Variants in RBM20 observed in about 807,000 individuals in gnomAD.
RBM20 encodes the protein RNA binding motif protein 20.
A neutral mutation model predicts 110.1 loss-of-function variants in RBM20; 51 were observed. The ratio of observed to expected loss-of-function variants is 0.46; its 90% confidence interval spans 0.37 to 0.59. The LOEUF (loss-of-function observed/expected upper bound fraction) is 0.59. RBM20 is among the 20% of genes least tolerant of loss of function. The probability of loss-of-function intolerance (pLI) is 0.00; values close to 1 mark genes in which losing one functional copy is unlikely to be tolerated. For missense variants in RBM20, 1,512 were observed against 1,574.9 expected (o/e 0.96, Z 0.68); for synonymous variants, 589 against 618.2 (o/e 0.95, Z 0.70).
intron 1 of RBM20, among the ~76,000 whole-genome samples, chr10:110,752,945 A>ATATATATTTT (rs1433992064): frequency 8.3e-5 from 9 of 108,992 alleles, no homozygotes; most frequent in African/African-American, 3.4e-4. Context: ...ATATATATAT[A>ATATATATTTT]TTTTTTTTTT....
chr10:110,669,114 G>GT (rs1344664055), intron 1 of RBM20, among the ~76,000 whole-genome samples: 8 of 152,180 alleles, frequency 5.3e-5, no homozygotes, highest in African/African-American at 1.2e-4. Flanking sequence ...ATCTTCCTTC[G>GT]TTTTTTCTGG....
chr10:110,674,964 GCAAA>G (rs772150152), intron 1 of RBM20, among the ~76,000 whole-genome samples: 54 of 152,182 alleles, frequency 3.5e-4, no homozygotes, highest in Non-Finnish European at 6.2e-4. Context: ...TGGGGATAAG[GCAAA>G]CAAAGTCAAA....
intron 9 of RBM20, among the ~76,000 whole-genome samples, chr10:110,816,200 C>T (rs1844835599): frequency 6.6e-6 from 1 of 152,126 alleles, no homozygotes; most frequent in African/African-American, 2.4e-5. Flanking sequence ...CGTCTTTACT[C>T]ATGGCCACAT....
At chr10:110,827,108 G>A (rs566498586) in intron 12 of RBM20, among the ~76,000 whole-genome samples, 1 of 152,296 alleles carries the variant, frequency 6.6e-6, no homozygotes, top group South Asian at 2.1e-4. Context: ...TTTGACAGGT[G>A]AGGAAACTGA....
At chr10:110,662,018 A>C (rs1482169504) in intron 1 of RBM20, among the ~76,000 whole-genome samples, 1 of 151,842 alleles carries the variant, frequency 6.6e-6, no homozygotes, top group Non-Finnish European at 1.5e-5. Context: ...TCAGGAAAAA[A>C]AAAAAAGATA....
chr10:110,654,534 A>C (rs1861994175), intron 1 of RBM20, among the ~76,000 whole-genome samples: 1 of 152,142 alleles, frequency 6.6e-6, no homozygotes, highest in Non-Finnish European at 1.5e-5. Flanking sequence ...GAAGCCTTTT[A>C]ACTCTGTTTT....
At chr10:110,703,729 C>T (rs753888992) in intron 1 of RBM20, among the ~76,000 whole-genome samples, 12 of 152,198 alleles carry the variant, frequency 7.9e-5, no homozygotes, top group Non-Finnish European at 1.3e-4. Flanking sequence ...CTTTTACAAC[C>T]ACATCCACCT....
intron 2 of RBM20, 137 bp from the exon 3 acceptor site, chr10:110,783,229 T>C: frequency 1.6e-6 from 1 of 639,352 alleles, no homozygotes; most frequent in South Asian, 1.6e-5. Context: ...AGAGGAAGGG[T>C]GGAGGGATGT....
At chr10:110,668,941 T>C (rs1166559581) in intron 1 of RBM20, among the ~76,000 whole-genome samples, 2 of 152,214 alleles carry the variant, frequency 1.3e-5, no homozygotes, top group East Asian at 3.8e-4. Flanking sequence ...GGCCCTTGCT[T>C]TGTTTTGTTT....
intron 1 of RBM20, among the ~76,000 whole-genome samples, chr10:110,723,059 C>G (rs1392146074): frequency 2.6e-5 from 4 of 151,336 alleles, no homozygotes; most frequent in African/African-American, 9.7e-5. Flanking sequence ...TTGCAGTGAG[C>G]CGAGATCACC....
At position 110,821,670 on chromosome 10, in the gene RBM20, C is replaced by T; in HGVS notation, c.3051C>T (p.Leu1017=). ...ERKPAESETG[L]SLEDSDCYEK... ...AGCCAGCTGAAAGTGAGACAGGCCT[C>T]TCCCTGGAGGATTCAGATTGCTACG... Residue 1017 remains leucine (L), a synonymous_variant, in exon 11 of 14, where the codon CTC becomes CTT. Transcript: ENST00000369519. 6.4e-7 allele frequency: 1 copy of T among 1,551,776 alleles called. No homozygotes were observed. The highest frequency in any genetic ancestry group is 8.7e-7 in the Non-Finnish European group (1 of 1,146,978).
At position 110,839,132 on chromosome 10, in the gene RBM20, C is replaced by G. The variant is rs578113054; in HGVS notation, c.*3154C>G. On this transcript the variant is annotated 3_prime_UTR_variant, in exon 14 of 14. Coordinates refer to ENST00000369519, the MANE Select transcript of RBM20 (RefSeq NM_001134363.3). ...TATAATTGTCTTTTCATTGTTAACA[C>G]CCAAAATAGCATCTATCTAGACAGT... 30 of 152,284 alleles carry G rather than the reference C, an allele frequency of 2.0e-4. No individual in the cohort carries two copies. Among genetic ancestry groups the G allele is most frequent in the African/African-American group, 6.5e-4 (27 of 41,558 alleles). 9.4% of individuals were successfully genotyped at this position (152,284 alleles called of 1,614,324 possible).
chr10:110,812,822 C>G lies in RBM20; in HGVS notation c.2425C>G (p.Pro809Ala). ...CTCAGGCAAGGAAGATGGGCTGGGG[C>G]CAAAGGTCACTAGGGCCCCTGAGGG... ...DDSGKEDGLG[P>A]KVTRAPEGAK... Residue 809 changes from proline (P) to alanine (A), a missense_variant, in exon 9 of 14, where the codon CCA (proline) becomes GCA (alanine). By Grantham distance (27) the Pro-to-Ala change is conservative. Transcript: ENST00000369519. 3.9e-6 allele frequency: 6 copies of G among 1,546,750 alleles called. No homozygotes were observed. The highest frequency in any genetic ancestry group is 3.5e-6 in the Non-Finnish European group (4 of 1,144,068).
intron 12 of RBM20, among the ~76,000 whole-genome samples, chr10:110,828,334 G>T (rs113148440): frequency 2.0e-4 from 30 of 152,190 alleles, no homozygotes; most frequent in Non-Finnish European, 3.8e-4. Flanking sequence ...CATGGGATAT[G>T]TGGTGTCTGC....
upstream of RBM20, chr10:110,644,266 C>T (rs377331212): frequency 4.7e-6 from 2 of 428,898 alleles, no homozygotes; most frequent in South Asian, 1.4e-4. The surrounding 1 kb of genome is among the most constrained non-coding windows in gnomAD (Gnocchi z 4.3). Flanking sequence ...CCGGCCGGGA[C>T]GAGCTGGAGC....
intron 1 of RBM20, among the ~76,000 whole-genome samples, chr10:110,670,198 T>C (rs1862238078): frequency 6.6e-6 from 1 of 152,236 alleles, no homozygotes; most frequent in Non-Finnish European, 1.5e-5. Context: ...CAATGCATGT[T>C]GTCTTGAGTT....
At chr10:110,694,034 C>T (rs138485188) in intron 1 of RBM20, among the ~76,000 whole-genome samples, 2 of 152,336 alleles carry the variant, frequency 1.3e-5, no homozygotes, top group African/African-American at 2.4e-5. Context: ...AGAGAAGCAA[C>T]CAGCATCAGT....
At chr10:110,712,980 A>G (rs530001909) in intron 1 of RBM20, among the ~76,000 whole-genome samples, 4 of 152,184 alleles carry the variant, frequency 2.6e-5, no homozygotes, top group Non-Finnish European at 5.9e-5. Context: ...TGGCGTCCAT[A>G]TTTGTAAAGT....
At chr10:110,826,152 G>T (rs1036536187) in intron 12 of RBM20, among the ~76,000 whole-genome samples, 1 of 152,184 alleles carries the variant, frequency 6.6e-6, no homozygotes, top group African/African-American at 2.4e-5. Flanking sequence ...TTGAGTGAGA[G>T]TTCCCAATAT....
Sources: gnomAD v4.1 joint callset for allele counts (sites outside exome capture counted in the v4.1 genomes callset) on GRCh38, gnomAD v4.1.1 for gene constraint, Gnocchi (gnomAD v3.1) non-coding constraint, MANE v1.5 for transcripts, NCBI Gene and HGNC (gene_info 2026-07-23, HGNC 2026-07-21) for gene names.